Variants in RHBDF1 observed in about 807,000 individuals in gnomAD.
RHBDF1 encodes inactive rhomboid protein 1.
A neutral mutation model predicts 98.6 loss-of-function variants in RHBDF1; 80 were observed. The observed-to-expected ratio is 0.81, with a 90% CI of 0.68 to 0.98. The LOEUF (loss-of-function observed/expected upper bound fraction) is 0.98, where lower values mean the gene tolerates loss of function less well. Ranked by LOEUF, RHBDF1 falls within the 50% of genes least tolerant of loss-of-function variation. The pLI is 0.00. For synonymous variants in RHBDF1, 512 were observed against 486.8 expected (o/e 1.05, Z -0.68); for missense variants, 1,116 against 1,198.3 (o/e 0.93, Z 1.01).
chr16:66,270 G>A (rs1897828103), intron 1 of RHBDF1, among the ~76,000 whole-genome samples: 1 of 152,152 alleles, frequency 6.6e-6, no homozygotes, highest in Admixed American at 6.5e-5. Context: ...CACCCACCAA[G>A]GCCCCAGAAA....
chr16:64,522 G>T, intron 3 of RHBDF1, 177 bp downstream of exon 3: 1 of 1,547,520 alleles, frequency 6.5e-7, no homozygotes, highest in East Asian at 2.3e-5. Flanking sequence ...GCAGGGTAGT[G>T]GGGTGAGAGC....
In RHBDF1 at chr16:59,459, A is replaced by T. The variant is rs1248438866; in HGVS notation, c.1853T>A (p.Met618Lys). ...GGCCTCCTCATGGAAGTAGCCCCTC[A>T]TGAAGTCACAGTACTCCCGGGAGGT... ...EITSREYCDF[M>K]RGYFHEEATL... Residue 618 changes from methionine to lysine, a missense_variant, in exon 15 of 18, where the codon ATG becomes AAG. Physicochemically the swap from Met to Lys is moderately conservative, Grantham distance 95 (BLOSUM62 -1). Transcript: ENST00000262316. 2 of 1,613,784 alleles carry T rather than the reference A, an allele frequency of 1.2e-6. No individual in the cohort carries two copies.
chr16:72,434 G>T, intron 1 of RHBDF1, 79 bp downstream of exon 1: 1 of 624,084 alleles, frequency 1.6e-6, no homozygotes, highest in South Asian at 7.6e-5. Context: ...CGGGTGCTGA[G>T]GACTCGCCCC....
rs1384698399 is a variant in RHBDF1, at chr16:58,553, G to A, written c.2355C>T (p.Ala785=). Residue 785 remains alanine, a synonymous_variant, in exon 18 of 18, where the codon GCC becomes GCT. Transcript: ENST00000262316. The part of the protein sequence containing the change: ...GFISGLFLSF[A]FLPYISFGKF... ...TGCCAAAGCTGATGTAGGGCAAGAA[G>A]GCGAAGGAGAGGAAGAGGCCACTGA... is the stretch of plus-strand genomic sequence containing the variant. 5 of 1,613,812 alleles carry A rather than the reference G, an allele frequency of 3.1e-6. No homozygotes were observed. The highest frequency in any genetic ancestry group is 1.7e-5 in the Admixed American group (1 of 60,014).
chr16:62,603 C>G lies in RHBDF1; in HGVS notation c.888G>C (p.Pro296=). The change falls in exon 7 of 18, where the codon CCG becomes CCC. Residue 296 remains proline, a synonymous_variant. Transcript: ENST00000262316. ...CCCCGCCGGTGAGGTCCGCCTGCTC[C>G]GGTGCCTTCTCCCAGTCCTTTAGCG... ...EAALKDWEKA[P]EQADLTGGAL... is the part of the protein sequence containing the mutation. The G allele has an allele frequency of 1.2e-6, 2 of 1,613,808 alleles. No individual in the cohort carries two copies. Among genetic ancestry groups the G allele is most frequent in the Non-Finnish European group, 1.7e-6 (2 of 1,180,024 alleles).
Position 58,262 on chromosome 16 carries a change from G to T in RHBDF1, c.*78C>A. On this transcript the variant is annotated 3_prime_UTR_variant, in exon 18 of 18. Coordinates refer to ENST00000262316, the MANE Select transcript of RHBDF1 (RefSeq NM_022450.5). ...TCCCCACATGGAGCAGGTGACTCCT[G>T]TAAGCCTGTGAGGCTCAGGGAGGTC... The T allele has an allele frequency of 6.9e-7, 1 of 1,442,870 alleles. No homozygotes were observed. 89.4% of individuals were successfully genotyped at this position (1,442,870 alleles called of 1,614,324 possible).
intron 3 of RHBDF1, 106 bp from the exon 4 acceptor site, chr16:63,906 A>G: frequency 1.0e-6 from 1 of 968,120 alleles, no homozygotes; most frequent in South Asian, 1.4e-5. Context: ...GCCTGTAGTC[A>G]CTCCAGGGAC....
At chr16:62,940 GC>G (rs747121185) in intron 5 of RHBDF1, 32 bp downstream of exon 5, 1 of 1,612,504 alleles carries the variant, frequency 6.2e-7, no homozygotes, top group South Asian at 1.1e-5. Flanking sequence ...TGCTGGGTCG[GC>G]CCCCAACCCC....
rs138949077 is a variant in RHBDF1, at chr16:61,031, G to C, written c.1557+89C>G. The C allele has an allele frequency of 1.2e-4, 170 of 1,396,868 alleles. No individual in the cohort carries two copies. The South Asian group carries it at 2.1e-3, about 18-fold the overall frequency. The allele number at this position is 1,396,868 out of a possible 1,614,324, so 86.5% of individuals were successfully genotyped here. On this transcript the variant is annotated intron_variant, in intron 11 of 17. Coordinates refer to ENST00000262316, the MANE Select transcript of RHBDF1 (RefSeq NM_022450.5). ...GACGGCGGGATGTGCCAGGAACGAG[G>C]GCGAAGGATCACTCTGCCGAGTCTA...
At chr16:63,850 C>T (rs1325081719) in intron 3 of RHBDF1, 50 bp from the exon 4 acceptor site, 4 of 1,523,046 alleles carry the variant, frequency 2.6e-6, no homozygotes, top group Non-Finnish European at 3.6e-6. Flanking sequence ...CCCTCCCAGG[C>T]AGGGGACTTC....
chr16:64,093 G>C (rs559809318), intron 3 of RHBDF1: 1 of 631,326 alleles, frequency 1.6e-6, no homozygotes, highest in Non-Finnish European at 2.8e-6. Context: ...ACTGAGTCCA[G>C]AGAAGGAGCT....
In RHBDF1 at chr16:59,017, G is replaced by A. The variant is rs1230851263; in HGVS notation, c.2105C>T (p.Thr702Ile). 1 of 1,613,284 alleles carries A rather than the reference G, an allele frequency of 6.2e-7. No individual in the cohort carries two copies. Among genetic ancestry groups the A allele is most frequent in the Non-Finnish European group, 8.5e-7 (1 of 1,180,014 alleles). ...IAIIYLLSGV[T>I]GNLASAIFLP... ...GAAGATGGCACTGGCCAGGTTGCCG[G>A]TGACACCACTCAGCAGGTAGATGAT... The change falls in exon 17 of 18, where the codon ACC becomes ATC. Residue 702 changes from threonine to isoleucine, a missense_variant. Physicochemically the swap from Thr to Ile is moderately conservative, Grantham distance 89. Coordinates refer to ENST00000262316, the MANE Select transcript of RHBDF1 (RefSeq NM_022450.5).
At position 59,722 on chromosome 16, in the gene RHBDF1, G is replaced by A. The variant is rs772021504; in HGVS notation, c.1817+10C>T. The A allele has an allele frequency of 1.9e-5, 30 of 1,613,508 alleles. No individual in the cohort carries two copies. Among genetic ancestry groups the A allele is most frequent in the African/African-American group, 2.7e-5 (2 of 74,932 alleles). On this transcript the variant is annotated intron_variant, in intron 14 of 17. Coordinates refer to ENST00000262316, the MANE Select transcript of RHBDF1 (RefSeq NM_022450.5). ...AGAGACCAGCTGCACTCGCTGGCACGCACACGTACCTGCCCTTGGTGCCAA... is the reference window on the plus strand; with the variant it reads ...AGAGACCAGCTGCACTCGCTGGCACACACACGTACCTGCCCTTGGTGCCAA...
chr16:60,371 C>T (rs1897564039), intron 12 of RHBDF1, 68 bp downstream of exon 12: 3 of 1,598,576 alleles, frequency 1.9e-6, no homozygotes, highest in Admixed American at 3.3e-5. Flanking sequence ...GCCCCTACAC[C>T]CTCTGCACCA....
chr16:63,165 G>T lies in RHBDF1; in HGVS notation c.480C>A (p.Ala160=). 6.3e-7 allele frequency: 1 copy of T among 1,580,348 alleles called. No individual in the cohort carries two copies. The highest frequency in any genetic ancestry group is 1.8e-4 in the Middle Eastern group (1 of 5,640). Residue 160 remains alanine (A), a synonymous_variant, in exon 5 of 18, where the codon GCC becomes GCA. Coordinates refer to ENST00000262316, the MANE Select transcript of RHBDF1 (RefSeq NM_022450.5). The part of the protein sequence containing the change: ...LGMQKIIDPL[A]RGRAFRVADD... ...CTGCCACACGGAAGGCACGGCCACG[G>T]GCCAGGGGGTCTATGATCTGGAGGA...
At chr16:70,171 A>G (rs1199870154) in intron 1 of RHBDF1, among the ~76,000 whole-genome samples, 4 of 152,220 alleles carry the variant, frequency 2.6e-5, no homozygotes, top group Non-Finnish European at 5.9e-5. Flanking sequence ...TCCAGGCCAC[A>G]CAGTCAGAAA....
intron 9 of RHBDF1, 27 bp from the exon 10 acceptor site, chr16:61,486 CG>C (rs1282493003): frequency 2.5e-6 from 4 of 1,611,830 alleles, no homozygotes; most frequent in African/African-American, 1.3e-5. Context: ...CGGGATCAGA[CG>C]GGCCCCGACT....
upstream of RHBDF1, among the ~76,000 whole-genome samples, chr16:75,610 G>C (rs559377660): frequency 2.0e-5 from 3 of 152,294 alleles, no homozygotes; most frequent in East Asian, 3.9e-4. Flanking sequence ...GTTTGGCAAG[G>C]GGTTCCCATA....
chr16:74,903 C>T (rs942220500), upstream of RHBDF1: 1 of 151,976 alleles, frequency 6.6e-6, no homozygotes, highest in African/African-American at 2.4e-5. Flanking sequence ...AAAACGGTCC[C>T]ACCCCATCTC....
Sources: allele counts gnomAD v4.1 joint callset (sites outside exome capture counted in the v4.1 genomes callset), GRCh38; gene constraint gnomAD v4.1.1; transcripts MANE v1.5; gene names NCBI Gene and HGNC (gene_info 2026-07-23, HGNC 2026-07-21).